Variants in NRXN3 observed in about 807,000 individuals in gnomAD.
The protein encoded by NRXN3 is neurexin III.
In NRXN3, 32 loss-of-function variants were observed where a neutral mutation model predicts 137.6. The observed-to-expected ratio is 0.23, with a 90% CI of 0.18 to 0.31. The LOEUF is 0.31. Among genes scored for constraint, NRXN3 ranks in the 10% least tolerant of loss-of-function variants. NRXN3 has a pLI of 1.00. For missense variants in NRXN3, 1,574 were observed against 2,062.5 expected (o/e 0.76, Z 4.59); for synonymous variants, 798 against 784.5 (o/e 1.02, Z -0.29).
chr14:78,239,993 C>T (rs918133549), intron 1 of NRXN3, among the ~76,000 whole-genome samples: 4 of 152,338 alleles, frequency 2.6e-5, no homozygotes, highest in East Asian at 1.9e-4. Flanking sequence ...CGCAAGCCAC[C>T]GTGCATAGCC....
At chr14:78,230,398 G>T (rs1201736803) in intron 1 of NRXN3, among the ~76,000 whole-genome samples, 1 of 151,900 alleles carries the variant, frequency 6.6e-6, no homozygotes, top group Non-Finnish European at 1.5e-5. Context: ...CTAGTTGTTT[G>T]TCGGGAGGAC....
chr14:79,197,389 G>A (rs1259732210), intron 15 of NRXN3, among the ~76,000 whole-genome samples: 4 of 152,178 alleles, frequency 2.6e-5, no homozygotes, highest in African/African-American at 9.7e-5. Context: ...TTTGCTAGGA[G>A]TAGAGATAAT....
At chr14:79,093,568 G>T (rs149970278) in intron 15 of NRXN3, among the ~76,000 whole-genome samples, 1 of 152,172 alleles carries the variant, frequency 6.6e-6, no homozygotes, top group Non-Finnish European at 1.5e-5. Flanking sequence ...AAAGAAGTGT[G>T]CATGTTTTCA....
At chr14:78,896,467 G>A (rs901883509) in intron 10 of NRXN3, among the ~76,000 whole-genome samples, 1 of 151,776 alleles carries the variant, frequency 6.6e-6, no homozygotes, top group African/African-American at 2.4e-5. Flanking sequence ...TCTTGAATGC[G>A]TCCTAGTATA....
rs904022502 is a variant in NRXN3 at position 78,838,776 on chromosome 14, A to G, written c.2275+28432A>G. Among the ~76,000 whole-genome samples, 39 of 152,054 alleles carry G rather than the reference A, an allele frequency of 2.6e-4. 1 individual carries two copies. Among genetic ancestry groups the G allele is most frequent in the African/African-American group, 2.4e-5 (1 of 41,404 alleles). ...TATTGCAATTCTGGGGACAGTTCCT[A>G]TTGATTGGGCACTTCCATCTAATAT... On this transcript the variant is annotated intron_variant, in intron 10 of 20. Transcript: ENST00000335750.
intron 19 of NRXN3, among the ~76,000 whole-genome samples, chr14:79,746,435 A>G (rs942898796): frequency 1.3e-5 from 2 of 152,096 alleles, no homozygotes; most frequent in Admixed American, 6.6e-5. Flanking sequence ...ATGAAATCTC[A>G]TCTACCCATA....
intron 10 of NRXN3, among the ~76,000 whole-genome samples, chr14:78,887,458 CT>C (rs1282349398): frequency 3.3e-5 from 5 of 151,910 alleles, no homozygotes; most frequent in Admixed American, 3.3e-4. Flanking sequence ...ACAGGAGTTA[CT>C]TTTGCACCAA....
intron 17 of NRXN3, among the ~76,000 whole-genome samples, 198 bp downstream of exon 17, chr14:79,664,147 A>C (rs1161747095): frequency 6.6e-6 from 1 of 152,124 alleles, no homozygotes; most frequent in African/African-American, 2.4e-5. Context: ...TTTACCAACT[A>C]TGCACTGGAC....
intron 15 of NRXN3, among the ~76,000 whole-genome samples, chr14:79,055,353 A>C (rs2099656905): frequency 6.6e-6 from 1 of 152,182 alleles, no homozygotes; most frequent in African/African-American, 2.4e-5. Flanking sequence ...CAGCAGGTTT[A>C]AAGGGAGATA....
intron 16 of NRXN3, among the ~76,000 whole-genome samples, chr14:79,470,873 T>TGA (rs1195553036): frequency 2.7e-5 from 4 of 148,826 alleles, no homozygotes; most frequent in African/African-American, 7.5e-5. Context: ...TGTGTGTGTG[T>TGA]GAGAGAGAGA....
At chr14:78,696,301 A>G (rs1448551270) in intron 6 of NRXN3, among the ~76,000 whole-genome samples, 5 of 152,026 alleles carry the variant, frequency 3.3e-5, no homozygotes, top group Admixed American at 3.3e-4. Flanking sequence ...GAGCTTAGGT[A>G]GATAATAAAA....
At chr14:78,413,293 T>C (rs543472305) in intron 4 of NRXN3, among the ~76,000 whole-genome samples, 3 of 152,244 alleles carry the variant, frequency 2.0e-5, no homozygotes, top group Admixed American at 1.3e-4. Flanking sequence ...AGTTTGTTTG[T>C]TTGTTTTTTT....
At chr14:79,295,128 AC>A (rs542365762) in intron 15 of NRXN3, among the ~76,000 whole-genome samples, 1 of 150,900 alleles carries the variant, frequency 6.6e-6, no homozygotes, top group Non-Finnish European at 1.5e-5. Flanking sequence ...CCCCAACTTC[AC>A]CTCCTAACAT....
intron 15 of NRXN3, among the ~76,000 whole-genome samples, chr14:79,304,251 A>G (rs1475097483): frequency 1.3e-5 from 2 of 152,036 alleles, no homozygotes. Context: ...TCCCAAATAC[A>G]TGGCTGCTAA....
At chr14:79,275,756 A>C (rs2080192427) in intron 15 of NRXN3, among the ~76,000 whole-genome samples, 2 of 151,968 alleles carry the variant, frequency 1.3e-5, no homozygotes, top group South Asian at 4.2e-4. Context: ...TTAAAAAGCA[A>C]GAGGAGAAGG....
intron 10 of NRXN3, among the ~76,000 whole-genome samples, chr14:78,853,055 A>G (rs1253977562): frequency 1.3e-5 from 2 of 152,102 alleles, no homozygotes; most frequent in Admixed American, 6.6e-5. Flanking sequence ...TCCATTGTAT[A>G]CATGTATCAT....
intron 19 of NRXN3, among the ~76,000 whole-genome samples, chr14:79,708,979 G>GTT (rs1272869516): frequency 1.3e-5 from 2 of 151,864 alleles, no homozygotes; most frequent in Admixed American, 6.6e-5. Context: ...GTGTGTGTGT[G>GTT]TGTGAGAGAG....
At chr14:79,535,096 A>C (rs2097200022) in intron 16 of NRXN3, among the ~76,000 whole-genome samples, 1 of 152,192 alleles carries the variant, frequency 6.6e-6, no homozygotes, top group South Asian at 2.1e-4. Context: ...TCTGAAATTC[A>C]TTAAGGCTAA....
chr14:79,391,817 C>G (rs997644310), intron 15 of NRXN3, among the ~76,000 whole-genome samples: 7 of 152,174 alleles, frequency 4.6e-5, no homozygotes, highest in African/African-American at 9.7e-5. Flanking sequence ...GCTGTTGCCT[C>G]TTTTCAACTG....
Sources: allele counts gnomAD v4.1 joint callset (sites outside exome capture counted in the v4.1 genomes callset), GRCh38; gene constraint gnomAD v4.1.1; transcripts MANE v1.5; gene names NCBI Gene and HGNC (gene_info 2026-07-23, HGNC 2026-07-21).